The following CNNM4 variants were observed in gnomAD, a reference collection of about 807,000 sequenced individuals.
CNNM4 encodes cyclin and CBS domain divalent metal cation transport mediator 4.
A neutral mutation model predicts 53.7 loss-of-function variants in CNNM4; 32 were observed. That is an observed-to-expected ratio of 0.60 (90% confidence interval 0.45 to 0.80). The LOEUF (loss-of-function observed/expected upper bound fraction) is 0.80. Among genes scored for constraint, CNNM4 ranks in the 30% least tolerant of loss-of-function variants. The probability of loss-of-function intolerance (pLI) is 0.00; values close to 1 mark genes in which losing one functional copy is unlikely to be tolerated. For missense variants in CNNM4, 784 were observed against 1,022.0 expected, an observed-to-expected ratio of 0.77 and a Z score of 3.17; for synonymous variants, 410 against 440.0, an observed-to-expected ratio of 0.93 and a Z score of 0.85.
chr2:96,762,889 C>T (rs1055560096), intron 1 of CNNM4, among the ~76,000 whole-genome samples: 3 of 152,040 alleles, frequency 2.0e-5, no homozygotes, highest in African/African-American at 7.2e-5. Flanking sequence ...CAAAAGTGTG[C>T]TTGTGGCCCA....
At chr2:96,787,717 T>C (rs2079026950) in intron 1 of CNNM4, among the ~76,000 whole-genome samples, 6 of 152,032 alleles carry the variant, frequency 3.9e-5, no homozygotes. Flanking sequence ...AAAAATTAGC[T>C]GAGCTTAGTG....
chr2:96,808,135 G>T lies in CNNM4; in HGVS notation c.1949-426G>T, dbSNP rs970032918. ...AACTCTGACCTCAGGTCATCCTCCT[G>T]CCTCGGCCTCCCAAAGTGCTGGGAT... On this transcript the variant is annotated intron_variant, in intron 5 of 6. Coordinates refer to ENST00000377075, the MANE Select transcript of CNNM4 (RefSeq NM_020184.4). This position sits in a 1 kb window ranked among gnomAD's most constrained non-coding sequence, Gnocchi z 4.9. 4.6e-5 allele frequency among the ~76,000 whole-genome samples: 7 copies of T among 152,070 alleles called. No homozygotes were observed. Among genetic ancestry groups the T allele is most frequent in the African/African-American group, 1.7e-4 (7 of 41,404 alleles).
rs12052502 is a variant in CNNM4, at chr2:96,806,137, C to A, written c.1949-2424C>A. ...GCTGGCCGGGCGGGGGGCTGACCCC[C>A]CCACCGCCCTCCCGGACGGGGCGGC... On this transcript the variant is annotated intron_variant, in intron 5 of 6. Coordinates refer to ENST00000377075, the MANE Select transcript of CNNM4 (RefSeq NM_020184.4). Among the ~76,000 whole-genome samples the A allele has an allele frequency of 1.9e-4, 28 of 143,866 alleles. No individual in the cohort carries two copies. The East Asian group carries it at 5.6e-3, about 29-fold the overall frequency. 94.4% of individuals were successfully genotyped at this position (143,866 alleles called of 152,430 possible).
Position 96,797,691 on chromosome 2 carries a change from C to T in CNNM4, c.1681+44C>T, listed in dbSNP as rs117114287. 3.0e-4 allele frequency: 480 copies of T among 1,610,250 alleles called. 3 individuals carry two copies. In the East Asian group the frequency reaches 8.2e-3, roughly 27 times the overall value. ...TCCGGTCTTGGTGGAAATACGGTCA[C>T]GGGGGAGAAGTCCTGGGTTTCCGGC... On this transcript the variant is annotated intron_variant, in intron 3 of 6. Coordinates refer to ENST00000377075, the MANE Select transcript of CNNM4 (RefSeq NM_020184.4). This position sits in a 1 kb window ranked among gnomAD's most constrained non-coding sequence, Gnocchi z 6.0.
At chr2:96,784,857 T>G (rs1250403790) in intron 1 of CNNM4, among the ~76,000 whole-genome samples, 2 of 152,216 alleles carry the variant, frequency 1.3e-5, no homozygotes, top group African/African-American at 4.8e-5. Flanking sequence ...AAGAGGCAAC[T>G]GAGGCATAGC....
At chr2:96,790,003 ATTTT>A (rs1014369887) in intron 1 of CNNM4, among the ~76,000 whole-genome samples, 2 of 61,724 alleles carry the variant, frequency 3.2e-5, no homozygotes, top group Non-Finnish European at 6.0e-5. Flanking sequence ...CCGGGCTAGA[ATTTT>A]TTTTTTTTTT....
At chr2:96,806,250 A>G (rs1166827019) in intron 5 of CNNM4, among the ~76,000 whole-genome samples, 2 of 152,186 alleles carry the variant, frequency 1.3e-5, no homozygotes, top group Admixed American at 1.3e-4. Flanking sequence ...CTTTCCAGCT[A>G]AAATGTTCTC....
chr2:96,773,195 T>C (rs2078894676), intron 1 of CNNM4, among the ~76,000 whole-genome samples: 1 of 152,226 alleles, frequency 6.6e-6, no homozygotes, highest in Non-Finnish European at 1.5e-5. Context: ...TACAGTGTGA[T>C]TTATTTCATG....
At chr2:96,803,722 G>A (rs1192329221) in intron 5 of CNNM4, among the ~76,000 whole-genome samples, 2 of 125,828 alleles carry the variant, frequency 1.6e-5, no homozygotes, top group African/African-American at 1.0e-4. Context: ...GCGAAACTCT[G>A]TCTAAAAAAA....
chr2:96,776,175 G>T lies in CNNM4; in HGVS notation c.1402+13774G>T, dbSNP rs562762317. On this transcript the variant is annotated intron_variant, in intron 1 of 6. Coordinates refer to ENST00000377075, the MANE Select transcript of CNNM4 (RefSeq NM_020184.4). ...TCCCAAGTAGCTGGGACCACAGGCCGCACACCACCACGCCTGGCTAATTTT... is the reference window on the plus strand; with the variant it reads ...TCCCAAGTAGCTGGGACCACAGGCCTCACACCACCACGCCTGGCTAATTTT... Among the ~76,000 whole-genome samples the T allele has an allele frequency of 2.0e-5, 3 of 151,198 alleles. No individual in the cohort carries two copies. In the South Asian group the frequency reaches 6.2e-4, roughly 31 times the overall value.
At chr2:96,789,038 T>A (rs2079038384) in intron 1 of CNNM4, 1 of 152,186 alleles carries the variant, frequency 6.6e-6, no homozygotes, top group African/African-American at 2.4e-5. Context: ...AAATGGGCAT[T>A]GTGCAGGGTG....
chr2:96,762,327 G>A lies in CNNM4; in HGVS notation c.1328G>A (p.Arg443His), dbSNP rs2078773044. ...DDCTPLKTIT[R>H]FYNHPVHFVF... The stretch of plus-strand genomic sequence containing the variant: ...TGCACCCCCCTCAAGACTATCACTC[G>A]CTTCTATAACCACCCGGTGCACTTT... The change falls in exon 1 of 7, where the codon CGC becomes CAC. Residue 443 changes from arginine to histidine, a missense_variant. Arg to His is a conservative substitution (Grantham distance 29). This residue lies in a region of CNNM4 where 473 missense variants were observed against 624.6 expected (regional missense o/e 0.76). Transcript: ENST00000377075. The A allele has an allele frequency of 6.2e-7, 1 of 1,614,098 alleles. No homozygotes were observed. The highest frequency in any genetic ancestry group is 1.1e-5 in the South Asian group (1 of 91,074).
At chr2:96,785,921 A>C (rs890646055) in intron 1 of CNNM4, among the ~76,000 whole-genome samples, 1 of 151,936 alleles carries the variant, frequency 6.6e-6, no homozygotes, top group African/African-American at 2.4e-5. Context: ...CCCCATCTCT[A>C]CTAAAAATAC....
rs1431268457 is a variant in CNNM4 at position 96,797,891 on chromosome 2, T to C, written c.1681+244T>C. On this transcript the variant is annotated intron_variant, in intron 3 of 6. Transcript: ENST00000377075. The surrounding 1 kb of genome is among the most constrained non-coding windows in gnomAD (Gnocchi z 6.0). The stretch of plus-strand genomic sequence containing the variant: ...GAAGCATCCAAGTTACTATATTTAA[T>C]AGTTTGGGAAATAATGACTAGGCAC... Among the ~76,000 whole-genome samples the C allele has an allele frequency of 6.6e-6, 1 of 152,178 alleles. No homozygotes were observed. The highest frequency in any genetic ancestry group is 1.5e-5 in the Non-Finnish European group (1 of 68,018).
intron 1 of CNNM4, among the ~76,000 whole-genome samples, chr2:96,787,597 C>G (rs999524897): frequency 2.6e-5 from 4 of 152,130 alleles, no homozygotes; most frequent in African/African-American, 9.7e-5. Flanking sequence ...GTGACTCACG[C>G]CTACAGTCCC....
intron 5 of CNNM4, among the ~76,000 whole-genome samples, chr2:96,806,275 C>A (rs1242749744): frequency 6.6e-6 from 1 of 152,084 alleles, no homozygotes; most frequent in East Asian, 1.9e-4. Context: ...CTACAAAATA[C>A]AGAGCTACAT....
chr2:96,787,196 A>C (rs1399936065), intron 1 of CNNM4, among the ~76,000 whole-genome samples: 1 of 152,224 alleles, frequency 6.6e-6, no homozygotes, highest in Non-Finnish European at 1.5e-5. Context: ...GAAATGGCAG[A>C]GTCCAAGGTC....
At chr2:96,798,434 T>C (rs1210223080) in intron 3 of CNNM4, 1 of 166,190 alleles carries the variant, frequency 6.0e-6, no homozygotes, top group Admixed American at 5.6e-5. Context: ...TTTGCAGACG[T>C]GTGCTGGTTC....
chr2:96,761,265 A>G lies in CNNM4; in HGVS notation c.266A>G (p.Asn89Ser), dbSNP rs2078758552. The change falls in exon 1 of 7, where the codon AAC (asparagine) becomes AGC (serine). Residue 89 changes from asparagine (N) to serine (S), a missense_variant. Coordinates refer to ENST00000377075, the MANE Select transcript of CNNM4 (RefSeq NM_020184.4). The surrounding 1 kb of genome is among the most constrained non-coding windows in gnomAD (Gnocchi z 6.0). The part of the protein sequence containing the change: ...YGYSLGNISS[N>S]LISFTEVDDA... The stretch of plus-strand genomic sequence containing the variant: ...TACAGCCTGGGCAACATCTCCAGCA[A>G]CCTGATCTCCTTCACCGAGGTGGAC... The G allele has an allele frequency of 4.3e-6, 7 of 1,614,038 alleles. No individual in the cohort carries two copies. Among genetic ancestry groups the G allele is most frequent in the Non-Finnish European group, 5.9e-6 (7 of 1,179,996 alleles).
Sources: allele counts gnomAD v4.1 joint callset (sites outside exome capture counted in the v4.1 genomes callset), GRCh38; gene constraint gnomAD v4.1.1; regional missense constraint gnomAD v4.1.1; non-coding constraint Gnocchi (gnomAD v3.1); transcripts MANE v1.5; gene names NCBI Gene and HGNC (gene_info 2026-07-23, HGNC 2026-07-21).